The following AVIL variants were observed in gnomAD, a reference collection of about 807,000 sequenced individuals.
AVIL encodes advillin.
In AVIL, 78 loss-of-function variants were observed where a neutral mutation model predicts 109.9. That is an observed-to-expected ratio of 0.71 (90% confidence interval 0.59 to 0.86). AVIL has a LOEUF of 0.86. Among genes scored for constraint, AVIL ranks in the 40% least tolerant of loss-of-function variants. AVIL has a pLI of 0.00. For missense variants in AVIL, 892 were observed against 1,016.5 expected (o/e 0.88, Z 1.67); for synonymous variants, 367 against 379.1 (o/e 0.97, Z 0.37).
intron 4 of AVIL, 90 bp from the exon 5 acceptor site, chr12:57,811,217 CAT>C (rs111492325): frequency 2.1e-5 from 25 of 1,191,494 alleles, no homozygotes; most frequent in South Asian, 1.6e-4. Flanking sequence ...CAGCCTCACT[CAT>C]GTGATGACAG....
Position 57,807,628 on chromosome 12 carries a change from C to A in AVIL, c.1294G>T (p.Val432Leu). ...DCYLVLYTYE[V>L]NGKPHHILYI... is the part of the protein sequence containing the mutation. ...AAGATGTGATGTGGCTTCCCATTTA[C>A]CTCGTATGTGTAGAGGACCAGATAA... Residue 432 changes from valine (V) to leucine (L), a missense_variant, in exon 12 of 20, where the codon GTA (valine) becomes TTA (leucine). Coordinates refer to ENST00000549994, the MANE Select transcript of AVIL (RefSeq NM_006576.4). 6.2e-7 allele frequency: 1 copy of A among 1,614,260 alleles called. No homozygotes were observed. The highest frequency in any genetic ancestry group is 8.5e-7 in the Non-Finnish European group (1 of 1,180,046).
intron 4 of AVIL, among the ~76,000 whole-genome samples, chr12:57,812,239 G>A (rs917495180): frequency 3.3e-5 from 5 of 152,174 alleles, no homozygotes; most frequent in African/African-American, 1.2e-4. Context: ...TTACTGTGTT[G>A]CCTAGGCTGA....
intron 3 of AVIL, 111 bp from the exon 4 acceptor site, chr12:57,813,534 G>GC (rs777497157): frequency 1.9e-5 from 21 of 1,094,044 alleles, no homozygotes; most frequent in Non-Finnish European, 2.8e-5. Flanking sequence ...CAGACTGAGG[G>GC]CCCTCTCTCC....
chr12:57,798,239 G>A (rs1183556981), intron 19 of AVIL, among the ~76,000 whole-genome samples: 1 of 152,232 alleles, frequency 6.6e-6, no homozygotes, highest in Non-Finnish European at 1.5e-5. Context: ...GTGCCAGCAA[G>A]CGCCAGTTTC....
At chr12:57,806,132 GCTTT>G in intron 14 of AVIL, 2 of 295,720 alleles carry the variant, frequency 6.8e-6, no homozygotes, top group Admixed American at 1.6e-4. Flanking sequence ...ACCGTGCCCA[GCTTT>G]TTTTTTTTTT....
Position 57,815,958 on chromosome 12 carries a change from C to G in AVIL, c.66+17G>C. 4 of 1,614,022 alleles carry G rather than the reference C, an allele frequency of 2.5e-6. No homozygotes were observed. Among genetic ancestry groups the G allele is most frequent in the Non-Finnish European group, 3.4e-6 (4 of 1,180,000 alleles). ...GATGCCAGTGGTCACAAGTAAGGTG[C>G]CTCCAGCCCAGCTCACCTCTATTCT... On this transcript the variant is annotated intron_variant, in intron 2 of 19. Coordinates refer to ENST00000549994, the MANE Select transcript of AVIL (RefSeq NM_006576.4).
In AVIL at chr12:57,815,837, G is replaced by C. The variant is rs556405389; in HGVS notation, c.66+138C>G. On this transcript the variant is annotated intron_variant, in intron 2 of 19. Coordinates refer to ENST00000549994, the MANE Select transcript of AVIL (RefSeq NM_006576.4). Reference sequence around the variant, plus strand: ...CAGGAGAGGTGAAGGATGGGAAATAGGTACTTTGATGCTGCCTCTCATTCT... The same window carrying C: ...CAGGAGAGGTGAAGGATGGGAAATACGTACTTTGATGCTGCCTCTCATTCT... 3.8e-4 allele frequency: 581 copies of C among 1,536,196 alleles called. 6 individuals carry two copies. In the South Asian group the frequency reaches 6.6e-3, roughly 18 times the overall value.
chr12:57,805,792 C>G (rs939128412), intron 14 of AVIL: 1 of 151,572 alleles, frequency 6.6e-6, no homozygotes, highest in Non-Finnish European at 1.5e-5. Context: ...GCCTCGGCCT[C>G]CCAAAGTGCT....
At chr12:57,807,966 A>G (rs1050939558) in intron 11 of AVIL, 9 of 793,032 alleles carry the variant, frequency 1.1e-5, no homozygotes, top group Non-Finnish European at 1.7e-5. Context: ...AGGCTGAGCA[A>G]TGATTTGAAT....
In AVIL at chr12:57,813,218, C is replaced by T. The variant is rs758072998; in HGVS notation, c.338+9G>A. 6.2e-7 allele frequency: 1 copy of T among 1,609,014 alleles called. No homozygotes were observed. Among genetic ancestry groups the T allele is most frequent in the African/African-American group, 1.3e-5 (1 of 74,762 alleles). On this transcript the variant is annotated intron_variant, in intron 4 of 19. Coordinates refer to ENST00000549994, the MANE Select transcript of AVIL (RefSeq NM_006576.4). ...TGTTTCTGTCCTTGCTCTGTGCACC[C>T]CTACTCACATGATGCCCTGCTTGAA...
At chr12:57,802,787 C>G in intron 16 of AVIL, 1 of 577,508 alleles carries the variant, frequency 1.7e-6, no homozygotes, top group South Asian at 2.4e-5. Context: ...AATGAGTCAC[C>G]AGGGCTGACC....
chr12:57,806,319 G>A (rs1194925856), intron 14 of AVIL, 41 bp downstream of exon 14: 2 of 1,609,594 alleles, frequency 1.2e-6, no homozygotes, highest in South Asian at 2.2e-5. Context: ...GCAGGTCTGG[G>A]CTCCGAGGGG....
At chr12:57,816,618 ACT>A (rs1021488169) in intron 1 of AVIL, 1 of 147,832 alleles carries the variant, frequency 6.8e-6, no homozygotes. Context: ...GCCTTCTCTC[ACT>A]CTCATTCCAA....
rs745926870 is a variant in AVIL at position 57,807,484 on chromosome 12, G to A, written c.1338C>T (p.Arg446=). ...CTGCCAGCTCATCCTGTGAGGCGTG[G>A]CGGCCCTGCAATGGTGAGAGGCCAT... is the stretch of plus-strand genomic sequence containing the variant. The part of the protein sequence containing the change: ...PHHILYIWQG[R]HASQDELAAS... The change falls in exon 13 of 20, where the codon CGC becomes CGT. Residue 446 remains arginine (R), a synonymous_variant. Transcript: ENST00000549994. 5 of 1,614,098 alleles carry A rather than the reference G, an allele frequency of 3.1e-6. No individual in the cohort carries two copies. In the East Asian group the frequency reaches 8.9e-5, roughly 29 times the overall value.
At chr12:57,804,952 C>T (rs1421906153) in intron 14 of AVIL, among the ~76,000 whole-genome samples, 1 of 152,142 alleles carries the variant, frequency 6.6e-6, no homozygotes, top group East Asian at 1.9e-4. Context: ...TTTAACCATT[C>T]TAATAGATGT....
In AVIL at chr12:57,807,396, CT is replaced by C; in HGVS notation, c.1425del (p.Val476SerfsTer18). On this transcript the variant is annotated frameshift_variant, in exon 13 of 20. Coordinates refer to ENST00000549994, the MANE Select transcript of AVIL (RefSeq NM_006576.4). LOFTEE classifies it high-confidence loss of function. ...TGGCGTGGCTCCGTTCCCATCCTGA[CT>C]CGAACCTGCACAGCAGCCCCATCAA... The part of the protein sequence containing the change: ...RQFDGAAVQV[R>X]VRMGTEPRHF... The C allele has an allele frequency of 6.2e-7, 1 of 1,614,246 alleles. No homozygotes were observed.
rs66731427 is a variant in AVIL at position 57,818,182 on chromosome 12, C to CTTTTTTTTTTTTTTTT, written c.-20+431_-20+446dup. Reference sequence around the variant, plus strand: ...CACAGGTGTGCACCACCATGCTTGGCTTTTTTTTTTTTTTTTTTTTTTTTT... The same window carrying CTTTTTTTTTTTTTTTT: ...CACAGGTGTGCACCACCATGCTTGGCTTTTTTTTTTTTTTTTTTTTTTTTTTTTTTTTTTTTTTTTT... On this transcript the variant is annotated intron_variant, in intron 1 of 19. Coordinates refer to ENST00000549994, the MANE Select transcript of AVIL (RefSeq NM_006576.4). Among the ~76,000 whole-genome samples the CTTTTTTTTTTTTTTTT allele has an allele frequency of 8.5e-4, 30 of 35,272 alleles. 7 individuals are homozygous for CTTTTTTTTTTTTTTTT. The highest frequency in any genetic ancestry group is 1.6e-3 in the South Asian group (1 of 608). 23.1% of individuals were successfully genotyped at this position (35,272 alleles called of 152,430 possible). A position where few individuals can be genotyped will look rare whatever the true frequency, so the allele number is the denominator to read the frequency against.
At position 57,807,328 on chromosome 12, in the gene AVIL, C is replaced by T. The variant is rs904444771; in HGVS notation, c.1491+3G>A. 1 of 1,614,060 alleles carries T rather than the reference C, an allele frequency of 6.2e-7. No individual in the cohort carries two copies. The highest frequency in any genetic ancestry group is 8.5e-7 in the Non-Finnish European group (1 of 1,180,044). On this transcript the variant is annotated splice_donor_region_variant and intron_variant, in intron 13 of 19. Coordinates refer to ENST00000549994, the MANE Select transcript of AVIL (RefSeq NM_006576.4). The stretch of plus-strand genomic sequence containing the variant: ...TGGTGTAATTTTATCAGAGCATCCT[C>T]ACCTCAAAGATAACTAGCTTCCCTT...
At chr12:57,804,007 CTT>C (rs1426301981) in intron 14 of AVIL, 5 of 190,242 alleles carry the variant, frequency 2.6e-5, no homozygotes, top group African/African-American at 1.2e-4. Flanking sequence ...AAAATATACT[CTT>C]TTGACATACA....
Sources: allele counts gnomAD v4.1 joint callset (sites outside exome capture counted in the v4.1 genomes callset), GRCh38; gene constraint gnomAD v4.1.1; transcripts MANE v1.5; gene names NCBI Gene and HGNC (gene_info 2026-07-23, HGNC 2026-07-21).